The following PEX5L variants were observed in gnomAD, a reference collection of about 807,000 sequenced individuals.
The protein encoded by PEX5L is peroxisomal biogenesis factor 5 like.
A neutral mutation model predicts 84.0 loss-of-function variants in PEX5L; 30 were observed. That is an observed-to-expected ratio of 0.36 (90% CI 0.27 to 0.48). The LOEUF (loss-of-function observed/expected upper bound fraction) is 0.48, where lower values mean the gene tolerates loss of function less well. Among genes scored for constraint, PEX5L ranks in the 20% least tolerant of loss-of-function variants. PEX5L has a pLI of 0.99. For synonymous variants in PEX5L, 270 were observed against 283.1 expected (o/e 0.95, Z 0.46); for missense variants, 533 against 754.6 (o/e 0.71, Z 3.44).
At chr3:179,995,328 A>G (rs1787787850) in intron 1 of PEX5L, among the ~76,000 whole-genome samples, 1 of 150,964 alleles carries the variant, frequency 6.6e-6, no homozygotes, top group Non-Finnish European at 1.5e-5. Context: ...GAGTGGTTCT[A>G]GAGGAACAGA....
At chr3:179,955,329 G>A (rs7651805) in intron 2 of PEX5L, among the ~76,000 whole-genome samples, 109,186 of 151,490 alleles carry the variant, frequency 0.72, 40,025 homozygotes, top group East Asian at 0.89. Context: ...AACTATACAG[G>A]GTGGTTCTAA....
intron 4 of PEX5L, 61 bp downstream of exon 4, chr3:179,887,612 T>C: frequency 9.6e-7 from 1 of 1,037,670 alleles, no homozygotes; most frequent in South Asian, 1.3e-5. Context: ...GGAAAAAATG[T>C]GCATTTTACT....
chr3:180,019,377 C>T (rs1484428919), intron 1 of PEX5L, among the ~76,000 whole-genome samples: 3 of 152,164 alleles, frequency 2.0e-5, no homozygotes, highest in African/African-American at 7.2e-5. Context: ...TTGCCAAGAA[C>T]TTTCACTGTC....
chr3:179,862,787 C>A (rs1746665884), intron 7 of PEX5L, among the ~76,000 whole-genome samples: 1 of 152,034 alleles, frequency 6.6e-6, no homozygotes, highest in African/African-American at 2.4e-5. Flanking sequence ...CAGATCCAGC[C>A]CAATTCTTAT....
At chr3:179,937,603 T>C (rs779482541) in intron 2 of PEX5L, among the ~76,000 whole-genome samples, 4 of 152,182 alleles carry the variant, frequency 2.6e-5, no homozygotes, top group African/African-American at 7.2e-5. Flanking sequence ...ACACAGAACC[T>C]AGGCTTTGGG....
At chr3:179,895,596 T>A (rs557112330) in intron 3 of PEX5L, 4 of 152,124 alleles carry the variant, frequency 2.6e-5, no homozygotes, top group Non-Finnish European at 1.5e-5. Context: ...TGAGTTCAGG[T>A]CACCTGGCCA....
chr3:179,851,922 T>C (rs1296443746), intron 8 of PEX5L, among the ~76,000 whole-genome samples: 1 of 152,178 alleles, frequency 6.6e-6, no homozygotes, highest in Non-Finnish European at 1.5e-5. Flanking sequence ...AATGAATACA[T>C]TGTTTCTGTG....
intron 5 of PEX5L, among the ~76,000 whole-genome samples, chr3:179,876,591 A>T (rs1752489582): frequency 6.6e-6 from 1 of 152,114 alleles, no homozygotes; most frequent in Non-Finnish European, 1.5e-5. Flanking sequence ...TAACAAATTG[A>T]CCACTTAAAC....
chr3:179,995,160 A>C (rs1346047957), intron 1 of PEX5L, among the ~76,000 whole-genome samples: 1 of 148,046 alleles, frequency 6.8e-6, no homozygotes, highest in East Asian at 1.9e-4. Flanking sequence ...TACATACTAT[A>C]TATACTATAT....
chr3:180,016,279 ACTG>A (rs1789939932), intron 1 of PEX5L, among the ~76,000 whole-genome samples: 1 of 152,216 alleles, frequency 6.6e-6, no homozygotes, highest in Admixed American at 6.5e-5. Context: ...TTAAATCCTT[ACTG>A]CTATCTCTAA....
chr3:179,894,825 G>A (rs1323245631), intron 3 of PEX5L, among the ~76,000 whole-genome samples: 5 of 152,062 alleles, frequency 3.3e-5, no homozygotes, highest in Admixed American at 3.3e-4. Context: ...AAGACACTGT[G>A]TTCAACAGGC....
intron 1 of PEX5L, among the ~76,000 whole-genome samples, chr3:180,010,196 C>T (rs915057284): frequency 6.6e-6 from 1 of 150,960 alleles, no homozygotes; most frequent in Admixed American, 6.6e-5. Context: ...CTGTCTGCCA[C>T]GGCCTCCCAA....
chr3:179,939,503 A>G (rs541215953), intron 2 of PEX5L, among the ~76,000 whole-genome samples: 15 of 152,222 alleles, frequency 9.9e-5, no homozygotes, highest in African/African-American at 3.4e-4. Context: ...CTTGGGAATT[A>G]AAGCTTCAAA....
rs761884440 is a variant in PEX5L, at chr3:179,879,917, C to G, written c.505+12G>C. 6.5e-6 allele frequency: 10 copies of G among 1,540,106 alleles called. No individual in the cohort carries two copies. In the East Asian group the frequency reaches 1.4e-4, roughly 21 times the overall value. ...AAGGTTGAGCATCCATAGCCGCAAG[C>G]GATTGCCTTACCTAGATCTAAGGAT... On this transcript the variant is annotated intron_variant, in intron 5 of 14. Transcript: ENST00000467460.
chr3:179,870,205 C>A (rs1749802769), intron 7 of PEX5L, among the ~76,000 whole-genome samples: 1 of 152,164 alleles, frequency 6.6e-6, no homozygotes, highest in Non-Finnish European at 1.5e-5. Flanking sequence ...CCTCATAGTT[C>A]CTACAGACAG....
At chr3:179,972,189 C>A (rs1297435638) in intron 1 of PEX5L, among the ~76,000 whole-genome samples, 1 of 151,856 alleles carries the variant, frequency 6.6e-6, no homozygotes, top group African/African-American at 2.4e-5. Context: ...AAAACCAACT[C>A]AGAAATAATT....
chr3:179,825,058 A>T (rs913100075), intron 8 of PEX5L, among the ~76,000 whole-genome samples: 2 of 152,230 alleles, frequency 1.3e-5, no homozygotes, highest in African/African-American at 4.8e-5. Flanking sequence ...TTGAGCTCTT[A>T]GTATGGTGCT....
chr3:180,018,796 A>G (rs1043654729), intron 1 of PEX5L, among the ~76,000 whole-genome samples: 9 of 152,188 alleles, frequency 5.9e-5, no homozygotes, highest in Admixed American at 5.9e-4. Context: ...TCCAGTTGCT[A>G]TGCTTCTCAA....
At chr3:179,990,808 T>A (rs946309399) in intron 1 of PEX5L, among the ~76,000 whole-genome samples, 2 of 152,206 alleles carry the variant, frequency 1.3e-5, no homozygotes, top group African/African-American at 4.8e-5. Context: ...TTTGTTTAAT[T>A]TTCACAGACT....
Sources: gnomAD v4.1 joint callset for allele counts (sites outside exome capture counted in the v4.1 genomes callset) on GRCh38, gnomAD v4.1.1 for gene constraint, MANE v1.5 for transcripts, NCBI Gene and HGNC (gene_info 2026-07-23, HGNC 2026-07-21) for gene names.